Variants in PCTP observed in about 807,000 individuals in gnomAD.
The protein encoded by PCTP is START domain-containing protein 2.
Under a neutral mutation model 31.0 loss-of-function variants are expected in PCTP, and 27 were observed. The observed-to-expected ratio is 0.87, with a 90% confidence interval of 0.64 to 1.20. PCTP has a LOEUF of 1.20. Ranked by LOEUF, PCTP falls within the 50% of genes most tolerant of loss-of-function variation. The pLI is 0.00. For synonymous variants in PCTP, 108 were observed against 101.2 expected (o/e 1.07, Z -0.40); for missense variants, 287 against 268.2 (o/e 1.07, Z -0.49).
intron 3 of PCTP, among the ~76,000 whole-genome samples, chr17:55,821,643 T>C (rs1435789251): frequency 7.2e-5 from 11 of 152,180 alleles, no homozygotes; most frequent in Admixed American, 4.6e-4. Context: ...ATAATAAATA[T>C]GCCAGGAAAC....
intron 3 of PCTP, among the ~76,000 whole-genome samples, chr17:55,812,006 T>C (rs1912767984): frequency 6.6e-6 from 1 of 152,222 alleles, no homozygotes; most frequent in Admixed American, 6.5e-5. Context: ...TTACATTGAA[T>C]CTTCCTGGTA....
At chr17:55,797,536 G>A (rs918024297) in intron 3 of PCTP, among the ~76,000 whole-genome samples, 1 of 151,942 alleles carries the variant, frequency 6.6e-6, no homozygotes, top group Admixed American at 6.6e-5. Flanking sequence ...GGCATGTATG[G>A]CACAAAATTT....
chr17:55,778,308 G>A (rs1911437428), downstream of PCTP, among the ~76,000 whole-genome samples: 1 of 151,644 alleles, frequency 6.6e-6, no homozygotes. Flanking sequence ...GCAGCTGGAT[G>A]TATCACTTGG....
chr17:55,797,059 C>A (rs968245611), intron 3 of PCTP, among the ~76,000 whole-genome samples: 3 of 151,882 alleles, frequency 2.0e-5, no homozygotes, highest in Non-Finnish European at 4.4e-5. Flanking sequence ...AAGATCCATG[C>A]AGATGACTTC....
At chr17:55,822,931 TC>T in exon 4 of PCTP, 1 of 657,518 alleles carries the variant, frequency 1.5e-6, no homozygotes, top group Non-Finnish European at 2.1e-6. Flanking sequence ...GGTGCAGGTA[TC>T]ATTTCTTATC....
chr17:55,828,379 T>C (rs11656145), intron 5 of PCTP, among the ~76,000 whole-genome samples: 17,074 of 152,238 alleles, frequency 0.11, 1,227 homozygotes, highest in East Asian at 0.35. Flanking sequence ...CCTCTTCCAG[T>C]TTCTGCCTGC....
intron 5 of PCTP, among the ~76,000 whole-genome samples, chr17:55,836,647 T>G (rs1220106230): frequency 2.6e-5 from 4 of 152,224 alleles, no homozygotes; most frequent in Non-Finnish European, 4.4e-5. Context: ...CTATCAAGTA[T>G]GTTTTTGAAT....
chr17:55,769,593 T>C (rs1567714778), intron 2 of PCTP: 1 of 152,254 alleles, frequency 6.6e-6, no homozygotes. Context: ...GCTTTCACTC[T>C]GGGTTCTCAT....
chr17:55,768,535 T>G (rs139299500), intron 2 of PCTP, among the ~76,000 whole-genome samples: 11 of 152,218 alleles, frequency 7.2e-5, no homozygotes, highest in Admixed American at 3.9e-4. Flanking sequence ...CAGTTTGGTG[T>G]TGTTGGGTTG....
downstream of PCTP, among the ~76,000 whole-genome samples, chr17:55,827,146 G>A (rs1598019805): frequency 6.6e-6 from 1 of 152,024 alleles, no homozygotes; most frequent in East Asian, 1.9e-4. Context: ...CTATTTCCCT[G>A]CACTTTGAGT....
Position 55,777,281 on chromosome 17 carries a change from AT to A in PCTP, c.*1182del, listed in dbSNP as rs1237269154. The A allele has an allele frequency of 2.0e-6, 2 of 985,070 alleles. No individual in the cohort carries two copies. The highest frequency in any genetic ancestry group is 2.4e-6 in the Non-Finnish European group (2 of 829,224). 61.0% of individuals were successfully genotyped at this position (985,070 alleles called of 1,614,324 possible). A position where few individuals can be genotyped will look rare whatever the true frequency, so the allele number is the denominator to read the frequency against. On this transcript the variant is annotated 3_prime_UTR_variant, in exon 6 of 6. Transcript: ENST00000268896. ...GAAATTCAGGATGTAAAGCCACAGA[AT>A]GGGATTTATTAATGTGGGATACCTC...
At chr17:55,843,187 T>C (rs544066953), downstream of PCTP, among the ~76,000 whole-genome samples, 1 of 146,930 alleles carries the variant, frequency 6.8e-6, no homozygotes, top group Non-Finnish European at 1.5e-5. Context: ...TGATAATATT[T>C]TATATTATAA....
intron 5 of PCTP, among the ~76,000 whole-genome samples, chr17:55,832,087 AAAC>A (rs1044364717): frequency 2.3e-4 from 35 of 152,196 alleles, no homozygotes; most frequent in African/African-American, 3.9e-4. Context: ...ACAAACAAAC[AAAC>A]AACAACAACA....
At chr17:55,837,003 T>C (rs73314387) in intron 5 of PCTP, among the ~76,000 whole-genome samples, 1,961 of 151,892 alleles carry the variant, frequency 0.013, 34 homozygotes, top group African/African-American at 0.045. Context: ...CTTGGAGGAG[T>C]AGCAGGACTA....
At chr17:55,840,943 C>A (rs981882344) in intron 5 of PCTP, among the ~76,000 whole-genome samples, 9 of 152,162 alleles carry the variant, frequency 5.9e-5, no homozygotes, top group African/African-American at 2.2e-4. Flanking sequence ...CACTTCTGGT[C>A]CCAAGAGTTT....
intron 3 of PCTP, among the ~76,000 whole-genome samples, chr17:55,792,676 C>T (rs1912042896): frequency 6.6e-6 from 1 of 152,020 alleles, no homozygotes; most frequent in South Asian, 2.1e-4. Context: ...TTTCTTCCTC[C>T]AGGAAATAAA....
chr17:55,796,184 A>G (rs972439888), intron 3 of PCTP, among the ~76,000 whole-genome samples: 5 of 152,026 alleles, frequency 3.3e-5, no homozygotes, highest in African/African-American at 1.2e-4. Context: ...AATAATAAAT[A>G]AATCTGAAAA....
chr17:55,792,255 A>C (rs1489451780), intron 3 of PCTP, among the ~76,000 whole-genome samples: 6 of 150,222 alleles, frequency 4.0e-5, no homozygotes, highest in Admixed American at 6.6e-5. Context: ...ATGTATACAT[A>C]TGTAACTAAC....
intron 3 of PCTP, among the ~76,000 whole-genome samples, chr17:55,799,036 A>G (rs1039049156): frequency 1.3e-5 from 2 of 152,016 alleles, no homozygotes; most frequent in South Asian, 4.1e-4. Flanking sequence ...AAGGATATAC[A>G]TTAAAGAATT....
Sources: gnomAD v4.1 joint callset for allele counts (sites outside exome capture counted in the v4.1 genomes callset) on GRCh38, gnomAD v4.1.1 for gene constraint, MANE v1.5 for transcripts, NCBI Gene and HGNC (gene_info 2026-07-23, HGNC 2026-07-21) for gene names.